Variants in GHDC observed in about 807,000 individuals in gnomAD.
GHDC encodes the protein GH3 domain-containing protein.
In GHDC, 39 loss-of-function variants were observed where a neutral mutation model predicts 51.5. The ratio of observed to expected loss-of-function variants is 0.76; its 90% confidence interval spans 0.59 to 0.99. The LOEUF (loss-of-function observed/expected upper bound fraction) is 0.99, where lower values mean the gene tolerates loss of function less well. Among genes scored for constraint, GHDC ranks in the 50% least tolerant of loss-of-function variants. The probability of loss-of-function intolerance (pLI) is 0.00; values close to 1 mark genes in which losing one functional copy is unlikely to be tolerated. For missense variants in GHDC, 610 were observed against 672.8 expected (o/e 0.91, Z 1.03); for synonymous variants, 282 against 305.2 (o/e 0.92, Z 0.79).
At position 42,193,023 on chromosome 17, in the gene GHDC, T is replaced by C. The variant is rs1241928162; in HGVS notation, c.270A>G (p.Ile90Met). 6.2e-7 allele frequency: 1 copy of C among 1,613,902 alleles called. No individual in the cohort carries two copies. The highest frequency in any genetic ancestry group is 8.5e-7 in the Non-Finnish European group (1 of 1,180,014). The stretch of plus-strand genomic sequence containing the variant: ...GAGGGAGATGATTCCGGAAGGTGCT[T>C]ATGTCTATAGCCCCAATGACAACAG... ...PHCSLRRSTD[I>M]STFRNHLPLT... The change falls in exon 4 of 10, where the codon ATA becomes ATG. Residue 90 changes from isoleucine (I) to methionine (M), a missense_variant. Transcript: ENST00000587427.
At chr17:42,191,245 G>A (rs779444020) in intron 5 of GHDC, 35 bp from the exon 6 acceptor site, 15 of 1,465,878 alleles carry the variant, frequency 1.0e-5, no homozygotes, top group Non-Finnish European at 1.4e-5. Context: ...AGCGTCTGCT[G>A]GTGCCATCGC....
In GHDC at chr17:42,192,255, T is replaced by G. The variant is rs754348750; in HGVS notation, c.875A>C (p.Tyr292Ser). ...CQGLAFFSPA[Y>S]AASGGVLGLN... ...GTCCCACTGACCTCCCGAGGCAGCA[T>G]AAGCAGGAGAGAAGAAGGCTAGTCC... is the stretch of plus-strand genomic sequence containing the variant. Residue 292 changes from tyrosine to serine, a missense_variant, in exon 5 of 10, where the codon TAT (tyrosine) becomes TCT (serine). By Grantham distance (144) the Tyr-to-Ser change is moderately radical. Transcript: ENST00000587427. 6.5e-7 allele frequency: 1 copy of G among 1,541,326 alleles called. No homozygotes were observed. Among genetic ancestry groups the G allele is most frequent in the Non-Finnish European group, 8.7e-7 (1 of 1,143,884 alleles).
chr17:42,190,869 C>T lies in GHDC; in HGVS notation c.1117G>A (p.Ala373Thr), dbSNP rs1324080660. The T allele has an allele frequency of 1.2e-6, 2 of 1,611,750 alleles. No individual in the cohort carries two copies. Among genetic ancestry groups the T allele is most frequent in the Admixed American group, 3.4e-5 (2 of 59,208 alleles). The stretch of plus-strand genomic sequence containing the variant: ...CTGACGACTGGACACTGATTGTAGG[C>T]ACCAACCACTCGCACCACATCACCC... The part of the protein sequence containing the change: ...RLGDVVRVVG[A>T]YNQCPVVRFI... The change falls in exon 7 of 10, where the codon GCC (alanine) becomes ACC (threonine). Residue 373 changes from alanine (A) to threonine (T), a missense_variant. Physicochemically the swap from Ala to Thr is moderately conservative, Grantham distance 58. This residue lies in a region of GHDC where 412 missense variants were observed against 410.4 expected (regional missense o/e 1.00). Transcript: ENST00000587427.
rs1228308127 is a variant in GHDC at position 42,189,139 on chromosome 17, G to T, written c.*564C>A. 1 of 398,744 alleles carries T rather than the reference G, an allele frequency of 2.5e-6. No homozygotes were observed. The highest frequency in any genetic ancestry group is 4.4e-6 in the Non-Finnish European group (1 of 226,156). 24.7% of individuals were successfully genotyped at this position (398,744 alleles called of 1,614,324 possible). A position where few individuals can be genotyped will look rare whatever the true frequency, so the allele number is the denominator to read the frequency against. ...CCATCCCAGGAAGCCCAAGGCGGGG[G>T]AGTGGGGAAGAGAGGGAAGGGAGAG... On this transcript the variant is annotated 3_prime_UTR_variant, in exon 10 of 10. Transcript: ENST00000587427.
intron 5 of GHDC, among the ~76,000 whole-genome samples, chr17:42,191,521 C>T (rs892015126): frequency 3.3e-5 from 5 of 151,920 alleles, no homozygotes; most frequent in East Asian, 1.9e-4. Context: ...TGCAGTGGTG[C>T]GATCTCGGCT....
In GHDC at chr17:42,191,059, C is replaced by A; in HGVS notation, c.1041G>T (p.Lys347Asn). The A allele has an allele frequency of 6.3e-7, 1 of 1,584,740 alleles. No homozygotes were observed. Among genetic ancestry groups the A allele is most frequent in the Non-Finnish European group, 8.6e-7 (1 of 1,166,628 alleles). ...TLLLAEAQQG[K>N]EYELVLTDRA... is the part of the protein sequence containing the mutation. ...GGTCCGTCAGCACCAGCTCATACTC[C>A]TTGCCCTGCTGGGCCTCGGCCAAAA... Residue 347 changes from lysine to asparagine, a missense_variant, in exon 6 of 10, where the codon AAG (lysine) becomes AAT (asparagine). This residue lies in a region of GHDC where 412 missense variants were observed against 410.4 expected (regional missense o/e 1.00). Transcript: ENST00000587427.
Position 42,189,892 on chromosome 17 carries a change from G to T in GHDC, c.1404C>A (p.Pro468=). 1.3e-6 allele frequency: 2 copies of T among 1,548,366 alleles called. No individual in the cohort carries two copies. The highest frequency in any genetic ancestry group is 1.4e-5 in the African/African-American group (1 of 73,130). ...KLDHCLQEAS[P]RYKSLRFWGS... ...CCCAGAACCGCAGGGACTTGTAGCG[G>T]GGAGAGGCTTCCTGAAGGCAGTGGT... The change falls in exon 10 of 10, where the codon CCC becomes CCA. Residue 468 remains proline (P), a synonymous_variant. Coordinates refer to ENST00000587427, the MANE Select transcript of GHDC (RefSeq NM_032484.5).
chr17:42,190,128 C>T, intron 9 of GHDC, 57 bp downstream of exon 9: 3 of 1,564,490 alleles, frequency 1.9e-6, no homozygotes, highest in Non-Finnish European at 2.6e-6. Flanking sequence ...CCATGGCACC[C>T]TGGGAGTGTG....
At chr17:42,190,944 T>G in intron 6 of GHDC, 41 bp from the exon 7 acceptor site, 1 of 1,583,842 alleles carries the variant, frequency 6.3e-7, no homozygotes, top group Non-Finnish European at 8.6e-7. Flanking sequence ...GCCCAAGGTC[T>G]TCTGAGCTCA....
In GHDC at chr17:42,192,316, C is replaced by T. The variant is rs950462083; in HGVS notation, c.814G>A (p.Glu272Lys). The change falls in exon 5 of 10, where the codon GAG (glutamate) becomes AAG (lysine). Residue 272 changes from glutamate (E) to lysine (K), a missense_variant. Physicochemically the swap from Glu to Lys is moderately conservative, Grantham distance 56 (BLOSUM62 1). Around this residue, in one of 2 missense-constraint regions of GHDC, gnomAD observed 412 missense variants for 410.4 expected, o/e 1.00. Coordinates refer to ENST00000587427, the MANE Select transcript of GHDC (RefSeq NM_032484.5). ...AAGGCCCCGAGGGCAGCCACAGCCT[C>T]GGCCTGGCCTCCTGCATCCAGAGTC... ...VVTLDAGGQA[E>K]AVAALGALWC... 6.8e-6 allele frequency: 11 copies of T among 1,608,804 alleles called. No individual in the cohort carries two copies. The highest frequency in any genetic ancestry group is 1.6e-4 in the Middle Eastern group (1 of 6,064).
intron 8 of GHDC, 41 bp from the exon 9 acceptor site, chr17:42,190,311 G>C: frequency 1.9e-6 from 3 of 1,614,130 alleles, no homozygotes; most frequent in Non-Finnish European, 2.5e-6. Flanking sequence ...TCCGGTGAAT[G>C]GGCAGCTGCC....
At chr17:42,193,615 A>C in intron 2 of GHDC, 21 bp from the exon 3 acceptor site, 2 of 1,513,298 alleles carry the variant, frequency 1.3e-6, no homozygotes, top group Non-Finnish European at 1.8e-6. Flanking sequence ...GAAGGAACCG[A>C]GATATGGGGG....
Position 42,192,750 on chromosome 17 carries a change from A to G in GHDC, c.388-8T>C. 4.6e-6 allele frequency: 7 copies of G among 1,531,380 alleles called. 1 individual carries two copies. Among genetic ancestry groups the G allele is most frequent in the Non-Finnish European group, 5.2e-6 (6 of 1,143,786 alleles). 94.9% of individuals were successfully genotyped at this position (1,531,380 alleles called of 1,614,324 possible). ...CAGACCCAGCAAGGTGGCCTGGAGGAGGAAAGAGAGAATGTTGGTCTGGTG... is the reference window on the plus strand; with the variant it reads ...CAGACCCAGCAAGGTGGCCTGGAGGGGGAAAGAGAGAATGTTGGTCTGGTG... On this transcript the variant is annotated splice_polypyrimidine_tract_variant and splice_region_variant and intron_variant, in intron 4 of 9. Coordinates refer to ENST00000587427, the MANE Select transcript of GHDC (RefSeq NM_032484.5).
At chr17:42,192,793 G>T (rs1171046150) in intron 4 of GHDC, 51 bp from the exon 5 acceptor site, 1 of 1,539,142 alleles carries the variant, frequency 6.5e-7, no homozygotes, top group Non-Finnish European at 8.7e-7. Context: ...CAGACCCAGA[G>T]CCCCCATTTG....
chr17:42,193,464 C>T lies in GHDC; in HGVS notation c.118G>A (p.Ala40Thr). 1 of 1,556,444 alleles carries T rather than the reference C, an allele frequency of 6.4e-7. No individual in the cohort carries two copies. Among genetic ancestry groups the T allele is most frequent in the African/African-American group, 1.4e-5 (1 of 73,622 alleles). ...SWLAGLQHRVAWGALVWAATW... is the reference protein window; with the variant it reads ...SWLAGLQHRVTWGALVWAATW... ...GCTGCCCAGACCAGGGCCCCCCATG[C>T]CACTCGGTGCTGGAGGCCAGCAAGC... The change falls in exon 3 of 10, where the codon GCA becomes ACA. Residue 40 changes from alanine to threonine, a missense_variant. By Grantham distance (58) the Ala-to-Thr change is moderately conservative (BLOSUM62 0). This residue lies in a region of GHDC where 198 missense variants were observed against 262.3 expected (regional missense o/e 0.75). Transcript: ENST00000587427.
chr17:42,192,560 C>T lies in GHDC; in HGVS notation c.570G>A (p.Leu190=). The T allele has an allele frequency of 6.2e-7, 1 of 1,613,770 alleles. No individual in the cohort carries two copies. Among genetic ancestry groups the T allele is most frequent in the Non-Finnish European group, 8.5e-7 (1 of 1,180,036 alleles). The change falls in exon 5 of 10, where the codon CTG becomes CTA. Residue 190 remains leucine, a synonymous_variant. Coordinates refer to ENST00000587427, the MANE Select transcript of GHDC (RefSeq NM_032484.5). The part of the protein sequence containing the change: ...KDPRALLLDA[L]RSPGLRALEA... ...CCAGTGCCCTCAGCCCTGGGGACCT[C>T]AGTGCGTCCAGCAGCAGGGCCCTAG...
chr17:42,191,770 T>TC (rs1343532205), intron 5 of GHDC, among the ~76,000 whole-genome samples: 2 of 147,786 alleles, frequency 1.4e-5, no homozygotes, highest in African/African-American at 5.0e-5. Flanking sequence ...TTTTTTTTTT[T>TC]TTTTTTTTTT....
rs190197518 is a variant in GHDC, at chr17:42,189,146, G to C, written c.*557C>G. On this transcript the variant is annotated 3_prime_UTR_variant, in exon 10 of 10. Coordinates refer to ENST00000587427, the MANE Select transcript of GHDC (RefSeq NM_032484.5). Reference sequence around the variant, plus strand: ...AGGAAGCCCAAGGCGGGGGAGTGGGGAAGAGAGGGAAGGGAGAGCCCCCGC... The same window carrying C: ...AGGAAGCCCAAGGCGGGGGAGTGGGCAAGAGAGGGAAGGGAGAGCCCCCGC... 1.6e-4 allele frequency: 63 copies of C among 398,722 alleles called. 1 individual carries two copies. In the Admixed American group the frequency reaches 2.6e-3, roughly 17 times the overall value. 24.7% of individuals were successfully genotyped at this position (398,722 alleles called of 1,614,324 possible).
chr17:42,193,393 G>A lies in GHDC; in HGVS notation c.189C>T (p.His63=), dbSNP rs557645080. The change falls in exon 3 of 10, where the codon CAC becomes CAT. Residue 63 remains histidine, a synonymous_variant. Transcript: ENST00000587427. ...RRLEQSTLHV[H]QSQQQALRWC... is the part of the protein sequence containing the mutation. ...ACCTCAGGGCCTGCTGCTGGCTCTG[G>A]TGCACATGGAGCGTGCTCTGCTCCA... The A allele has an allele frequency of 3.8e-6, 6 of 1,597,006 alleles. No homozygotes were observed. The East Asian group carries it at 9.0e-5, about 24-fold the overall frequency.
Sources: allele counts gnomAD v4.1 joint callset (sites outside exome capture counted in the v4.1 genomes callset), GRCh38; gene constraint gnomAD v4.1.1; regional missense constraint gnomAD v4.1.1; transcripts MANE v1.5; gene names NCBI Gene and HGNC (gene_info 2026-07-23, HGNC 2026-07-21).